The following SLX4IP variants were observed in gnomAD, a reference collection of about 807,000 sequenced individuals.
SLX4IP encodes the protein protein SLX4IP.
A neutral mutation model predicts 32.9 loss-of-function variants in SLX4IP; 34 were observed. The ratio of observed to expected loss-of-function variants is 1.03; its 90% CI spans 0.79 to 1.38. SLX4IP has a LOEUF of 1.38. Ranked by LOEUF, SLX4IP falls within the 40% of genes most tolerant of loss-of-function variation. The pLI is 0.00. For missense variants in SLX4IP, 444 were observed against 479.0 expected (o/e 0.93, Z 0.68); for synonymous variants, 172 against 171.7 (o/e 1.00, Z -0.01).
At chr20:10,500,413 G>A (rs1297450457) in intron 2 of SLX4IP, among the ~76,000 whole-genome samples, 1 of 152,054 alleles carries the variant, frequency 6.6e-6, no homozygotes, top group Non-Finnish European at 1.5e-5. Flanking sequence ...ACAGGCATGA[G>A]CCACTGATGT....
chr20:10,444,597 C>T (rs989226244), intron 1 of SLX4IP, among the ~76,000 whole-genome samples: 4 of 151,992 alleles, frequency 2.6e-5, no homozygotes, highest in Non-Finnish European at 2.9e-5. Flanking sequence ...ACGCTGGTCT[C>T]GAACTCCTGA....
chr20:10,474,038 GT>G (rs2065452030), intron 2 of SLX4IP, among the ~76,000 whole-genome samples: 1 of 152,068 alleles, frequency 6.6e-6, no homozygotes, highest in Admixed American at 6.5e-5. Flanking sequence ...GGCCAGACTG[GT>G]CTCAAACTCC....
intron 2 of SLX4IP, among the ~76,000 whole-genome samples, chr20:10,497,465 C>A (rs375897056): frequency 9.0e-4 from 137 of 152,228 alleles, no homozygotes; most frequent in African/African-American, 3.1e-3. Context: ...TCTGAGGAAT[C>A]ATTTCCTCAA....
At chr20:10,559,645 A>G (rs77924029) in intron 3 of SLX4IP, among the ~76,000 whole-genome samples, 1,910 of 152,296 alleles carry the variant, frequency 0.013, 16 homozygotes, top group Non-Finnish European at 0.02. Flanking sequence ...GCAGGAAACA[A>G]CTGCAAAGAG....
intron 4 of SLX4IP, among the ~76,000 whole-genome samples, chr20:10,567,648 A>G (rs1368628073): frequency 6.6e-6 from 1 of 152,222 alleles, no homozygotes; most frequent in Non-Finnish European, 1.5e-5. Context: ...ACTTTCACAA[A>G]ATGTATAAAT....
intron 2 of SLX4IP, among the ~76,000 whole-genome samples, chr20:10,476,227 AT>A (rs1179052118): frequency 2.0e-5 from 3 of 152,220 alleles, no homozygotes; most frequent in African/African-American, 7.2e-5. Flanking sequence ...AGAGGATGTC[AT>A]TCTACTAAAC....
intron 2 of SLX4IP, among the ~76,000 whole-genome samples, chr20:10,542,053 A>G (rs905363564): frequency 3.3e-5 from 5 of 152,246 alleles, no homozygotes; most frequent in Non-Finnish European, 7.3e-5. Context: ...CAGGAAGCCA[A>G]TGGTGCATTG....
chr20:10,566,684 C>T (rs1171229238), intron 4 of SLX4IP, among the ~76,000 whole-genome samples: 1 of 152,158 alleles, frequency 6.6e-6, no homozygotes, highest in African/African-American at 2.4e-5. Flanking sequence ...TTTCAATAGA[C>T]CTTTCCACCA....
intron 4 of SLX4IP, among the ~76,000 whole-genome samples, chr20:10,577,191 A>AGATTTTT (rs1266334591): frequency 6.6e-6 from 1 of 152,168 alleles, no homozygotes; most frequent in East Asian, 1.9e-4. Context: ...TAGAAGACTG[A>AGATTTTT]GATTTTTGTA....
chr20:10,581,051 A>C (rs535447304), intron 4 of SLX4IP, among the ~76,000 whole-genome samples: 19 of 152,116 alleles, frequency 1.2e-4, no homozygotes, highest in Non-Finnish European at 2.2e-4. Context: ...AGCCCCAAAA[A>C]AGCCTTTTTC....
intron 4 of SLX4IP, among the ~76,000 whole-genome samples, chr20:10,576,193 A>G (rs982371521): frequency 4.6e-5 from 7 of 152,226 alleles, no homozygotes; most frequent in African/African-American, 1.7e-4. Flanking sequence ...GTTCATGATC[A>G]AAATAATTTT....
chr20:10,617,145 G>A (rs1358435703), intron 6 of SLX4IP, among the ~76,000 whole-genome samples: 1 of 152,174 alleles, frequency 6.6e-6, no homozygotes, highest in East Asian at 1.9e-4. Context: ...TTGATGCATG[G>A]GATAAATGGA....
At chr20:10,604,209 T>C (rs2066876069) in intron 6 of SLX4IP, among the ~76,000 whole-genome samples, 1 of 152,210 alleles carries the variant, frequency 6.6e-6, no homozygotes, top group Non-Finnish European at 1.5e-5. Flanking sequence ...GCTGGGAAAA[T>C]TGGTACCCGC....
intron 2 of SLX4IP, among the ~76,000 whole-genome samples, chr20:10,526,821 A>G (rs1474186653): frequency 6.6e-6 from 1 of 152,116 alleles, no homozygotes; most frequent in Non-Finnish European, 1.5e-5. Context: ...GTTTTGTGGC[A>G]TGTGTCTGTG....
chr20:10,483,865 C>T (rs555820023), intron 2 of SLX4IP, among the ~76,000 whole-genome samples: 2 of 146,546 alleles, frequency 1.4e-5, no homozygotes, highest in Admixed American at 7.2e-5. Flanking sequence ...AATCGTAAGA[C>T]CTTATTTGAG....
intron 1 of SLX4IP, 104 bp from the exon 2 acceptor site, chr20:10,458,072 A>G: frequency 1.6e-6 from 1 of 634,772 alleles, no homozygotes; most frequent in Non-Finnish European, 2.5e-6. Context: ...TCATCTCATA[A>G]ATACCTATTG....
rs367556256 is a variant in SLX4IP, at chr20:10,440,146, TA to T, written c.-30+4694del. 3.3e-3 allele frequency among the ~76,000 whole-genome samples: 494 copies of T among 149,876 alleles called. 4 individuals carry two copies. Among genetic ancestry groups the T allele is most frequent in the Non-Finnish European group, 3.7e-3 (249 of 67,134 alleles). Reference sequence around the variant, plus strand: ...GTTAGAAAAGATTGCATTTTTTTTTTATTTTTTGCATTTAAAAATTATTCCA... The same window carrying T: ...GTTAGAAAAGATTGCATTTTTTTTTTTTTTTTGCATTTAAAAATTATTCCA... On this transcript the variant is annotated intron_variant, in intron 1 of 7. Coordinates refer to ENST00000334534, the MANE Select transcript of SLX4IP (RefSeq NM_001009608.3).
intron 6 of SLX4IP, among the ~76,000 whole-genome samples, chr20:10,607,065 T>C (rs2066913774): frequency 6.6e-6 from 1 of 152,238 alleles, no homozygotes; most frequent in South Asian, 2.1e-4. Context: ...TATTTTCTTC[T>C]GATACTTTTA....
At chr20:10,554,114 C>T (rs979781904) in intron 2 of SLX4IP, among the ~76,000 whole-genome samples, 1 of 152,200 alleles carries the variant, frequency 6.6e-6, no homozygotes, top group Non-Finnish European at 1.5e-5. Context: ...TGACAGTTCT[C>T]ACCCAGTTTT....
Sources: gnomAD v4.1 joint callset for allele counts (sites outside exome capture counted in the v4.1 genomes callset) on GRCh38, gnomAD v4.1.1 for gene constraint, MANE v1.5 for transcripts, NCBI Gene and HGNC (gene_info 2026-07-23, HGNC 2026-07-21) for gene names.